The following CHUK variants were observed in gnomAD, a reference collection of about 807,000 sequenced individuals.
CHUK encodes inhibitor of nuclear factor kappa-B kinase subunit alpha.
In CHUK, 35 loss-of-function variants were observed where a neutral mutation model predicts 104.8. The ratio of observed to expected loss-of-function variants is 0.33; its 90% confidence interval spans 0.26 to 0.44. The LOEUF (loss-of-function observed/expected upper bound fraction) is 0.44. CHUK is among the 20% of genes least tolerant of loss of function. The pLI, the probability that CHUK is intolerant of heterozygous loss-of-function variation, is 1.00. For missense variants in CHUK, 663 were observed against 902.7 expected (o/e 0.73, Z 3.40); for synonymous variants, 276 against 291.9 (o/e 0.95, Z 0.56).
chr10:100,193,194 C>G (rs1845243437), intron 19 of CHUK, 104 bp downstream of exon 19: 1 of 1,282,002 alleles, frequency 7.8e-7, no homozygotes, highest in African/African-American at 1.5e-5. Context: ...AGTCAGGACT[C>G]AACCCTGGTC....
At chr10:100,228,745 C>A (rs1031824865) in intron 1 of CHUK, among the ~76,000 whole-genome samples, 9 of 152,116 alleles carry the variant, frequency 5.9e-5, no homozygotes, top group African/African-American at 2.2e-4. Flanking sequence ...AAGTAAAATT[C>A]TTGAGTCTGA....
At chr10:100,214,432 A>T (rs1197535579) in intron 9 of CHUK, among the ~76,000 whole-genome samples, 1 of 152,228 alleles carries the variant, frequency 6.6e-6, no homozygotes, top group Non-Finnish European at 1.5e-5. Context: ...TAATCAGTGT[A>T]AAGTATCATA....
rs1286252109 is a variant in CHUK, at chr10:100,229,421, G to A, written c.105+7C>T. 3.8e-6 allele frequency: 6 copies of A among 1,598,212 alleles called. No individual in the cohort carries two copies. Among genetic ancestry groups the A allele is most frequent in the East Asian group, 4.5e-5 (2 of 44,660 alleles). On this transcript the variant is annotated splice_region_variant and intron_variant, in intron 1 of 20. Coordinates refer to ENST00000370397, the MANE Select transcript of CHUK (RefSeq NM_001278.5). ...CCACCGCCGCTCCCTCTCACGCCCC[G>A]CCTCACCCGATGCTGGTACAGACAG... is the stretch of plus-strand genomic sequence containing the variant.
rs760150640 is a variant in CHUK at position 100,189,630 on chromosome 10, A to G, written c.2209-3T>C. The stretch of plus-strand genomic sequence containing the variant: ...GTTAACCAACTCCAATCAAGATTCT[A>G]AAACCAGGCATGAAAAAGTTACAAT... On this transcript the variant is annotated splice_polypyrimidine_tract_variant and splice_region_variant and intron_variant, in intron 20 of 20. Coordinates refer to ENST00000370397, the MANE Select transcript of CHUK (RefSeq NM_001278.5). The G allele has an allele frequency of 4.3e-6, 7 of 1,610,022 alleles. No homozygotes were observed. The highest frequency in any genetic ancestry group is 3.3e-5 in the Admixed American group (2 of 60,028).
chr10:100,216,992 C>T (rs17879646), intron 9 of CHUK, among the ~76,000 whole-genome samples: 1,776 of 152,158 alleles, frequency 0.012, 46 homozygotes, highest in African/African-American at 0.04. Context: ...CTTTAAATGA[C>T]AAATTTTGTG....
chr10:100,225,066 T>A (rs1354107057), intron 2 of CHUK, among the ~76,000 whole-genome samples: 3 of 152,054 alleles, frequency 2.0e-5, no homozygotes, highest in African/African-American at 7.2e-5. Flanking sequence ...CCCAGGCTGG[T>A]CTCGAACTCC....
chr10:100,207,531 A>G (rs143227968), intron 10 of CHUK, among the ~76,000 whole-genome samples, 199 bp from the exon 11 acceptor site: 45 of 152,370 alleles, frequency 3.0e-4, no homozygotes, highest in African/African-American at 1.1e-3. Flanking sequence ...GGCTAAAGTG[A>G]ACAATCACCA....
At chr10:100,217,597 G>A (rs1453532521) in intron 9 of CHUK, among the ~76,000 whole-genome samples, 4 of 152,174 alleles carry the variant, frequency 2.6e-5, no homozygotes, top group African/African-American at 9.7e-5. Context: ...ATAAGCATCA[G>A]GGCTGGACGC....
At chr10:100,209,239 C>T (rs989630039) in intron 10 of CHUK, among the ~76,000 whole-genome samples, 7 of 152,128 alleles carry the variant, frequency 4.6e-5, no homozygotes, top group Non-Finnish European at 8.8e-5. Flanking sequence ...GTTGGTCTGG[C>T]GGTAATTTCC....
At chr10:100,204,212 C>G (rs1845536705) in intron 13 of CHUK, among the ~76,000 whole-genome samples, 1 of 152,148 alleles carries the variant, frequency 6.6e-6, no homozygotes, top group African/African-American at 2.4e-5. Flanking sequence ...CTAAGAAGTC[C>G]AGATTTTGTA....
At chr10:100,202,652 A>G (rs1845497384) in intron 13 of CHUK, among the ~76,000 whole-genome samples, 1 of 152,170 alleles carries the variant, frequency 6.6e-6, no homozygotes, top group African/African-American at 2.4e-5. Flanking sequence ...TAAGCCACTC[A>G]GTTTATGGGA....
intron 13 of CHUK, among the ~76,000 whole-genome samples, chr10:100,202,570 A>G (rs779815348): frequency 4.4e-4 from 67 of 152,172 alleles, no homozygotes; most frequent in Non-Finnish European, 8.5e-4. Context: ...TTCAGAGAAA[A>G]CATGGCCCTG....
At chr10:100,221,601 A>G (rs912466300) in intron 4 of CHUK, among the ~76,000 whole-genome samples, 3 of 152,192 alleles carry the variant, frequency 2.0e-5, no homozygotes, top group Non-Finnish European at 4.4e-5. Flanking sequence ...AGACAAAAAA[A>G]GGACTCTTAG....
chr10:100,202,383 T>C (rs879322356), intron 13 of CHUK, among the ~76,000 whole-genome samples: 4 of 152,184 alleles, frequency 2.6e-5, no homozygotes, highest in Admixed American at 2.6e-4. Flanking sequence ...TCTGGGCCCT[T>C]AGTCCAGTAC....
At chr10:100,193,760 A>G (rs915091739) in intron 18 of CHUK, 1 of 606,544 alleles carries the variant, frequency 1.6e-6, no homozygotes, top group Non-Finnish European at 2.9e-6. Context: ...CACAGTAGTC[A>G]AGGGCTAAGA....
intron 20 of CHUK, 39 bp from the exon 21 acceptor site, chr10:100,189,666 CTATAAGT>C (rs780068081): frequency 1.2e-5 from 19 of 1,523,844 alleles, no homozygotes; most frequent in Non-Finnish European, 1.5e-5. Context: ...TAGATGTTGA[CTATAAGT>C]TATAAGTATA....
At chr10:100,213,246 C>T (rs1845770991) in intron 9 of CHUK, among the ~76,000 whole-genome samples, 1 of 151,862 alleles carries the variant, frequency 6.6e-6, no homozygotes, top group African/African-American at 2.4e-5. Context: ...TTTGGGAGGC[C>T]AAGACAGGTA....
chr10:100,216,086 G>A (rs1322291535), intron 9 of CHUK, among the ~76,000 whole-genome samples: 1 of 152,132 alleles, frequency 6.6e-6, no homozygotes, highest in Non-Finnish European at 1.5e-5. Flanking sequence ...TAGTGGTGCT[G>A]CAAACTGAAT....
In CHUK at chr10:100,224,586, G is replaced by A. The variant is rs576616268; in HGVS notation, c.200+1337C>T. Among the ~76,000 whole-genome samples, 151 of 151,270 alleles carry A rather than the reference G, an allele frequency of 1.0e-3. 1 individual carries two copies. The highest frequency in any genetic ancestry group is 2.4e-3 in the East Asian group (12 of 5,064). ...CAAGTAGCTGGGATTACAGGCACCC[G>A]CCACCACACCTGGCTAATTTTTGTA... On this transcript the variant is annotated intron_variant, in intron 2 of 20. Coordinates refer to ENST00000370397, the MANE Select transcript of CHUK (RefSeq NM_001278.5).
Sources: gnomAD v4.1 joint callset for allele counts (sites outside exome capture counted in the v4.1 genomes callset) on GRCh38, gnomAD v4.1.1 for gene constraint, MANE v1.5 for transcripts, NCBI Gene and HGNC (gene_info 2026-07-23, HGNC 2026-07-21) for gene names.